Variants in EFCAB7 observed in about 807,000 individuals in gnomAD.
EFCAB7 encodes the protein EF-hand calcium-binding domain-containing protein 7.
In EFCAB7, 66 loss-of-function variants were observed where a neutral mutation model predicts 77.1. That is an observed-to-expected ratio of 0.86 (90% CI 0.70 to 1.05). The LOEUF (loss-of-function observed/expected upper bound fraction) is 1.05. EFCAB7 is among the 50% of genes least tolerant of loss of function. The pLI is 0.00. For synonymous variants in EFCAB7, 225 were observed against 243.3 expected, an observed-to-expected ratio of 0.92 and a Z score of 0.70; for missense variants, 638 against 730.5, an observed-to-expected ratio of 0.87 and a Z score of 1.46.
chr1:63,543,885 C>G (rs1646859760), intron 6 of EFCAB7, among the ~76,000 whole-genome samples: 1 of 151,990 alleles, frequency 6.6e-6, no homozygotes, highest in South Asian at 2.1e-4. Flanking sequence ...ACACAATTTT[C>G]TCATAACTTC....
intron 6 of EFCAB7, among the ~76,000 whole-genome samples, chr1:63,535,418 A>G (rs1160507972): frequency 2.6e-5 from 4 of 152,104 alleles, no homozygotes; most frequent in African/African-American, 4.8e-5. Context: ...ATGCTACACT[A>G]TAGCATAGTA....
At position 63,534,188 on chromosome 1, in the gene EFCAB7, CAAAGTT is replaced by C; in HGVS notation, c.779_784del (p.Lys260_Leu261del). The C allele has an allele frequency of 2.5e-6, 4 of 1,612,652 alleles. No individual in the cohort carries two copies. Among genetic ancestry groups the C allele is most frequent in the Non-Finnish European group, 2.5e-6 (3 of 1,179,200 alleles). ...ATGGGGGCTAATGGTAACCGAAACT[CAAAGTT>C]AATGGAGCCAAATTTAATAAAGGTA... On this transcript the variant is annotated inframe_deletion, in exon 6 of 14. Transcript: ENST00000371088.
intron 8 of EFCAB7, among the ~76,000 whole-genome samples, chr1:63,552,668 T>C (rs1646980396): frequency 6.6e-6 from 1 of 152,240 alleles, no homozygotes. Flanking sequence ...GCTATTTATT[T>C]TATGAGGACT....
chr1:63,574,257 AG>A (rs1647349287), downstream of EFCAB7, among the ~76,000 whole-genome samples: 1 of 152,172 alleles, frequency 6.6e-6, no homozygotes, highest in Non-Finnish European at 1.5e-5. Context: ...TTGAGGGTAG[AG>A]TCCCATGATG....
chr1:63,542,211 C>T (rs1023676352), intron 6 of EFCAB7, among the ~76,000 whole-genome samples: 1 of 152,114 alleles, frequency 6.6e-6, no homozygotes, highest in Non-Finnish European at 1.5e-5. Flanking sequence ...CAATATTTGT[C>T]CTTTTGTGTC....
At chr1:63,574,181 G>C (rs1164497854), downstream of EFCAB7, among the ~76,000 whole-genome samples, 2 of 151,736 alleles carry the variant, frequency 1.3e-5, no homozygotes, top group Non-Finnish European at 2.9e-5. Flanking sequence ...TGTAGGGAAG[G>C]GAGGGGGCCT....
At chr1:63,577,788 A>T in the EFCAB7 span, among the ~76,000 whole-genome samples, 6,167 of 152,304 alleles carry the variant, frequency 0.04, 177 homozygotes, top group Non-Finnish European at 0.058. Flanking sequence ...GTCATTAAGC[A>T]TTAAACTAAT....
In EFCAB7 at chr1:63,530,252, T is replaced by G. The variant is rs979662129; in HGVS notation, c.188-1568T>G. Among the ~76,000 whole-genome samples, 8 of 152,330 alleles carry G rather than the reference T, an allele frequency of 5.3e-5. No individual in the cohort carries two copies. In the South Asian group the frequency reaches 1.7e-3, roughly 32 times the overall value. Reference sequence around the variant, plus strand: ...CCTTATTACATTAAATTGTACAATATCCAGATTATCATTTTTTGATGCTGA... The same window carrying G: ...CCTTATTACATTAAATTGTACAATAGCCAGATTATCATTTTTTGATGCTGA... On this transcript the variant is annotated intron_variant, in intron 2 of 13. Transcript: ENST00000371088.
At chr1:63,551,700 T>A (rs748194299) in intron 7 of EFCAB7, 25 bp from the exon 8 acceptor site, 1 of 1,320,694 alleles carries the variant, frequency 7.6e-7, no homozygotes, top group Non-Finnish European at 1.0e-6. Context: ...TTTTAAGGTG[T>A]TTGGGCTTTT....
intron 6 of EFCAB7, among the ~76,000 whole-genome samples, chr1:63,535,195 T>C (rs763301816): frequency 4.6e-5 from 7 of 152,082 alleles, no homozygotes. Context: ...TAAATATTAA[T>C]GTGGATTATG....
chr1:63,536,328 CTT>C (rs1168769749), intron 6 of EFCAB7, among the ~76,000 whole-genome samples: 2 of 151,994 alleles, frequency 1.3e-5, no homozygotes, highest in African/African-American at 2.4e-5. Context: ...GTAAGTGACT[CTT>C]TTGTTATTCA....
At chr1:63,549,161 T>C in intron 7 of EFCAB7, 1 of 308,504 alleles carries the variant, frequency 3.2e-6, no homozygotes, top group Non-Finnish European at 6.6e-6. Context: ...GAACCAATTC[T>C]GGAGAACAGC....
intron 10 of EFCAB7, among the ~76,000 whole-genome samples, chr1:63,560,966 G>A (rs1434625593): frequency 1.3e-5 from 2 of 152,134 alleles, no homozygotes; most frequent in Non-Finnish European, 2.9e-5. Context: ...TGGAAGTTAG[G>A]AAATAAAATC....
chr1:63,548,016 G>T lies in EFCAB7; in HGVS notation c.946+1959G>T, dbSNP rs572259713. ...AAGCTGCAAAGTCACATTGCAAAAGGCTGTAGATACTGAGGGGGACAGCCA... is the reference window on the plus strand; with the variant it reads ...AAGCTGCAAAGTCACATTGCAAAAGTCTGTAGATACTGAGGGGGACAGCCA... On this transcript the variant is annotated intron_variant, in intron 7 of 13. Transcript: ENST00000371088. 1.1e-3 allele frequency: 162 copies of T among 152,402 alleles called. 1 individual carries two copies. Among genetic ancestry groups the T allele is most frequent in the Non-Finnish European group, 1.9e-3 (130 of 68,090 alleles). 9.4% of individuals were successfully genotyped at this position (152,402 alleles called of 1,614,324 possible). A position where few individuals can be genotyped will look rare whatever the true frequency, so the allele number is the denominator to read the frequency against.
intron 9 of EFCAB7, among the ~76,000 whole-genome samples, chr1:63,556,912 C>A (rs1284281436): frequency 6.6e-6 from 1 of 151,158 alleles, no homozygotes; most frequent in African/African-American, 2.4e-5. Context: ...GTGGCGGGCG[C>A]CTATAGTCCC....
intron 6 of EFCAB7, among the ~76,000 whole-genome samples, chr1:63,540,715 G>A (rs1444163459): frequency 6.6e-6 from 1 of 152,082 alleles, no homozygotes; most frequent in Non-Finnish European, 1.5e-5. Context: ...ATAAATTTCA[G>A]TAAGTTAAGG....
intron 6 of EFCAB7, among the ~76,000 whole-genome samples, chr1:63,540,238 C>T (rs1235762835): frequency 6.6e-6 from 1 of 151,728 alleles, no homozygotes; most frequent in Admixed American, 6.6e-5. Flanking sequence ...GTGGCAGGCC[C>T]CTGTAATCCC....
chr1:63,577,022 C>T (rs758730872), downstream of EFCAB7, among the ~76,000 whole-genome samples: 2 of 150,324 alleles, frequency 1.3e-5, no homozygotes, highest in Non-Finnish European at 3.0e-5. Flanking sequence ...TGGTGTGCAT[C>T]TGTAGTTCCA....
chr1:63,551,516 G>A (rs1471483503), intron 7 of EFCAB7, among the ~76,000 whole-genome samples: 4 of 152,038 alleles, frequency 2.6e-5, no homozygotes, highest in Non-Finnish European at 5.9e-5. Context: ...GCTTGAACCC[G>A]GGAGGTGGAG....
Sources: gnomAD v4.1 joint callset for allele counts (sites outside exome capture counted in the v4.1 genomes callset) on GRCh38, gnomAD v4.1.1 for gene constraint, MANE v1.5 for transcripts, NCBI Gene and HGNC (gene_info 2026-07-23, HGNC 2026-07-21) for gene names.